Variants in TDRD12 observed in about 807,000 individuals in gnomAD.
TDRD12 encodes the protein tudor domain containing 12, also known as putative ATP-dependent RNA helicase TDRD12.
In TDRD12, 158 loss-of-function variants were observed where a neutral mutation model predicts 133.5. The observed-to-expected ratio is 1.18, with a 90% CI of 1.04 to 1.35. TDRD12 has a LOEUF of 1.35. Ranked by LOEUF, TDRD12 falls within the 40% of genes most tolerant of loss-of-function variation. The probability of loss-of-function intolerance (pLI) is 0.00; values close to 1 mark genes in which losing one functional copy is unlikely to be tolerated. For missense variants in TDRD12, 1,443 were observed against 1,321.3 expected (o/e 1.09, Z -1.43); for synonymous variants, 460 against 477.9 (o/e 0.96, Z 0.49).
At chr19:32,764,682 C>A (rs148906269) in intron 8 of TDRD12, among the ~76,000 whole-genome samples, 2,360 of 152,244 alleles carry the variant, frequency 0.016, 63 homozygotes, top group African/African-American at 0.051. Flanking sequence ...ACTGTTCTGG[C>A]AATTATTGAG....
chr19:32,813,485 C>T (rs777696935), intron 24 of TDRD12, among the ~76,000 whole-genome samples, 199 bp from the exon 25 acceptor site: 10 of 152,162 alleles, frequency 6.6e-5, no homozygotes, highest in African/African-American at 9.7e-5. Flanking sequence ...AGGCCATGGG[C>T]GAGTTCCTTT....
At chr19:32,759,587 C>T (rs1278744188) in intron 8 of TDRD12, among the ~76,000 whole-genome samples, 1 of 151,970 alleles carries the variant, frequency 6.6e-6, no homozygotes, top group Non-Finnish European at 1.5e-5. Flanking sequence ...CCACTGCACT[C>T]CAGCCTGGGC....
At chr19:32,799,224 C>T (rs1698976398) in intron 16 of TDRD12, among the ~76,000 whole-genome samples, 1 of 150,936 alleles carries the variant, frequency 6.6e-6, no homozygotes, top group Admixed American at 6.6e-5. Flanking sequence ...TTGTTACTGA[C>T]TATGAGGCGG....
rs1221482009 is a variant in TDRD12 at position 32,748,534 on chromosome 19, A to T, written c.496+3A>T. The T allele has an allele frequency of 1.6e-5, 25 of 1,551,096 alleles. No homozygotes were observed. The highest frequency in any genetic ancestry group is 2.7e-5 in the African/African-American group (2 of 73,062). On this transcript the variant is annotated splice_donor_region_variant and intron_variant, in intron 5 of 27. Transcript: ENST00000444215. ...GTACTTTCAGAACCTTCTGAAAGGT[A>T]AGCCAGTGCCTGATCACTGCAGCCT...
At chr19:32,797,634 C>CG (rs1243847037) in intron 14 of TDRD12, 101 bp from the exon 15 acceptor site, 1 of 542,014 alleles carries the variant, frequency 1.8e-6, no homozygotes, top group African/African-American at 1.9e-5. Context: ...CAGAAACTTA[C>CG]GGGGTGCTGC....
At chr19:32,817,107 C>A (rs1412204665) in intron 26 of TDRD12, among the ~76,000 whole-genome samples, 2 of 152,220 alleles carry the variant, frequency 1.3e-5, no homozygotes, top group Non-Finnish European at 2.9e-5. Flanking sequence ...CCTTCAATTG[C>A]ATGTGTTTTA....
intron 11 of TDRD12, among the ~76,000 whole-genome samples, chr19:32,789,253 A>G (rs1248637966): frequency 6.6e-6 from 1 of 152,156 alleles, no homozygotes; most frequent in Non-Finnish European, 1.5e-5. Context: ...CAGTTTGTCC[A>G]TCTGTTTTTT....
chr19:32,752,386 G>A (rs1969857156), intron 6 of TDRD12, among the ~76,000 whole-genome samples: 1 of 151,794 alleles, frequency 6.6e-6, no homozygotes, highest in African/African-American at 2.4e-5. Flanking sequence ...CACCATGTTG[G>A]CCAGGCTGGT....
chr19:32,760,738 G>A (rs970510735), intron 8 of TDRD12, among the ~76,000 whole-genome samples: 5 of 152,186 alleles, frequency 3.3e-5, no homozygotes, highest in South Asian at 4.2e-4. Context: ...TATTTATGAC[G>A]CCCTCACTGT....
chr19:32,797,373 G>T (rs1261247815), intron 14 of TDRD12, among the ~76,000 whole-genome samples: 1 of 152,116 alleles, frequency 6.6e-6, no homozygotes, highest in Non-Finnish European at 1.5e-5. Context: ...AGACTGCCTG[G>T]GTTCAAGTCC....
intron 1 of TDRD12, among the ~76,000 whole-genome samples, chr19:32,729,177 G>A (rs1284893176): frequency 7.1e-6 from 1 of 141,674 alleles, no homozygotes; most frequent in African/African-American, 2.6e-5. Flanking sequence ...GGTATCTTGG[G>A]TTCACTTTCT....
chr19:32,797,761 G>A (rs2145685821), exon 15 of TDRD12: 1 of 700,164 alleles, frequency 1.4e-6, no homozygotes, highest in Non-Finnish European at 2.6e-6. Flanking sequence ...TGTGCCCTGG[G>A]TGGAAGAAGG....
At chr19:32,719,921 G>A (rs1968565883) in exon 1 of TDRD12, 2 of 934,280 alleles carry the variant, frequency 2.1e-6, no homozygotes, top group Admixed American at 2.2e-5. Flanking sequence ...AGGAGTGTGG[G>A]GCACCTGCCG....
chr19:32,821,998 G>A (rs1006994524), downstream of TDRD12, among the ~76,000 whole-genome samples: 20 of 152,176 alleles, frequency 1.3e-4, no homozygotes, highest in Non-Finnish European at 2.8e-4. Context: ...GGGGGCACCT[G>A]TAATTCCAGC....
Position 32,806,862 on chromosome 19 carries a change from A to G in TDRD12, c.2553-687A>G, listed in dbSNP as rs552218696. ...TTTTTAGTAGAGACGGGGTTTCACC[A>G]TGTTGGCCAGGCTGGTCTCGAGCTC... On this transcript the variant is annotated intron_variant, in intron 21 of 27. Coordinates refer to ENST00000444215, the Ensembl canonical transcript of TDRD12. 1.4e-4 allele frequency among the ~76,000 whole-genome samples: 21 copies of G among 151,878 alleles called. No homozygotes were observed. The East Asian group carries it at 2.9e-3, about 21-fold the overall frequency.
chr19:32,766,052 T>C (rs1236138499), intron 8 of TDRD12, among the ~76,000 whole-genome samples: 1 of 152,202 alleles, frequency 6.6e-6, no homozygotes, highest in African/African-American at 2.4e-5. Context: ...TTTATTTTGG[T>C]TAATATTAGC....
chr19:32,815,999 GAAAAA>G (rs376754025), intron 26 of TDRD12, among the ~76,000 whole-genome samples: 1 of 127,486 alleles, frequency 7.8e-6, no homozygotes, highest in African/African-American at 3.1e-5. Flanking sequence ...TCTCAAAAAA[GAAAAA>G]AAAAAAAGTA....
At chr19:32,808,041 T>C (rs922061355) in intron 22 of TDRD12, among the ~76,000 whole-genome samples, 1 of 152,150 alleles carries the variant, frequency 6.6e-6, no homozygotes, top group Non-Finnish European at 1.5e-5. Flanking sequence ...CTGGGCAACA[T>C]AGTGAGATCT....
intron 19 of TDRD12, 81 bp downstream of exon 19, chr19:32,801,954 T>C: frequency 2.1e-6 from 1 of 475,346 alleles, no homozygotes; most frequent in African/African-American, 2.0e-5. Context: ...ATATATCTCA[T>C]CTCCAGATTT....
Sources: gnomAD v4.1 joint callset for allele counts (sites outside exome capture counted in the v4.1 genomes callset) on GRCh38, gnomAD v4.1.1 for gene constraint, MANE v1.5 for transcripts, NCBI Gene and HGNC (gene_info 2026-07-23, HGNC 2026-07-21) for gene names.